The following EDDM13 variants were observed in gnomAD, a reference collection of about 807,000 sequenced individuals.
EDDM13 encodes epididymal protein 13.
In EDDM13, 24 loss-of-function variants were observed where a neutral mutation model predicts 17.8. The observed-to-expected ratio is 1.35, with a 90% CI of 0.98 to 1.90. The LOEUF (loss-of-function observed/expected upper bound fraction) is 1.90. Among genes scored for constraint, EDDM13 ranks in the 40% most tolerant of loss-of-function variants. EDDM13 has a pLI of 0.00. For synonymous variants in EDDM13, 31 were observed against 37.5 expected (o/e 0.83, Z 0.63); for missense variants, 97 against 100.8 (o/e 0.96, Z 0.16).
At chr19:56,304,165 T>C (rs938842033) in intron 13 of EDDM13, among the ~76,000 whole-genome samples, 1 of 152,056 alleles carries the variant, frequency 6.6e-6, no homozygotes, top group Non-Finnish European at 1.5e-5. Flanking sequence ...GGAGACACAC[T>C]GAGAGGAGGC....
At chr19:56,285,940 T>A (rs2039083156) in intron 6 of EDDM13, among the ~76,000 whole-genome samples, 1 of 152,218 alleles carries the variant, frequency 6.6e-6, no homozygotes, top group African/African-American at 2.4e-5. Context: ...TGGACAGATG[T>A]TTAACAAATT....
intron 11 of EDDM13, among the ~76,000 whole-genome samples, chr19:56,296,802 C>T (rs1305737213): frequency 2.0e-5 from 3 of 151,884 alleles, no homozygotes; most frequent in African/African-American, 4.8e-5. Context: ...GGGAGGCCGA[C>T]GTGGGTGGAT....
intron 9 of EDDM13, chr19:56,295,149 G>C (rs2039780319): frequency 6.6e-6 from 1 of 152,208 alleles, no homozygotes; most frequent in Admixed American, 6.5e-5. Flanking sequence ...TTGTACACTT[G>C]ATGGGTGAGT....
chr19:56,273,562 A>G (rs971363344), intron 1 of EDDM13, among the ~76,000 whole-genome samples: 4 of 152,182 alleles, frequency 2.6e-5, no homozygotes, highest in Non-Finnish European at 4.4e-5. Flanking sequence ...CATTTGAGGT[A>G]AGGAATAGGA....
chr19:56,285,599 CAT>C (rs2039048282), intron 6 of EDDM13, among the ~76,000 whole-genome samples: 2 of 152,010 alleles, frequency 1.3e-5, no homozygotes, highest in South Asian at 4.1e-4. Flanking sequence ...GGATTCCTAA[CAT>C]ATTTTGATTT....
At chr19:56,286,611 A>G (rs2039144900) in intron 6 of EDDM13, 1 of 152,236 alleles carries the variant, frequency 6.6e-6, no homozygotes, top group South Asian at 2.1e-4. Flanking sequence ...GTTTTCTGCC[A>G]AGGCTCTTTG....
intron 12 of EDDM13, among the ~76,000 whole-genome samples, chr19:56,300,199 C>T (rs759018762): frequency 3.9e-5 from 6 of 152,026 alleles, no homozygotes; most frequent in Non-Finnish European, 8.8e-5. Context: ...TAAACCAGAA[C>T]ATGATATGCG....
At chr19:56,275,020 C>G (rs139369334) in intron 1 of EDDM13, 2 of 152,156 alleles carry the variant, frequency 1.3e-5, no homozygotes, top group African/African-American at 4.8e-5. Flanking sequence ...GGCAGGAATA[C>G]CACAGAAGTG....
At position 56,284,188 on chromosome 19, in the gene EDDM13, C is replaced by A. The variant is rs1276528238; in HGVS notation, c.119-10C>A. On this transcript the variant is annotated splice_polypyrimidine_tract_variant and intron_variant, in intron 4 of 14. Coordinates refer to ENST00000649256, the MANE Select transcript of EDDM13 (RefSeq NM_001354658.2). ...CACCATGCTGACTCTCCTGGATGGGCTGCCATCAGGGATCATAGGTAAGTA... is the reference window on the plus strand; with the variant it reads ...CACCATGCTGACTCTCCTGGATGGGATGCCATCAGGGATCATAGGTAAGTA... 4.1e-6 allele frequency: 4 copies of A among 985,222 alleles called. No individual in the cohort carries two copies. The Admixed American group carries it at 1.8e-4, about 45-fold the overall frequency. The allele number at this position is 985,222 out of a possible 1,614,324, so 61.0% of individuals were successfully genotyped here.
At position 56,304,747 on chromosome 19, in the gene EDDM13, C is replaced by T. The variant is rs548224712; in HGVS notation, c.424-46C>T. On this transcript the variant is annotated intron_variant, in intron 13 of 14. Transcript: ENST00000649256. The stretch of plus-strand genomic sequence containing the variant: ...TAAGGAAGGAATTCACTCGCCTCAC[C>T]CCAACTGTTTCTTTCTCTGTTCCCA... 5 of 983,508 alleles carry T rather than the reference C, an allele frequency of 5.1e-6. No individual in the cohort carries two copies. The East Asian group carries it at 5.7e-4, about 112-fold the overall frequency. 60.9% of individuals were successfully genotyped at this position (983,508 alleles called of 1,614,324 possible).
chr19:56,298,035 A>C (rs1368791942), intron 12 of EDDM13: 1 of 148,470 alleles, frequency 6.7e-6, no homozygotes, highest in Admixed American at 6.8e-5. Flanking sequence ...TGATTGTGCC[A>C]CCGCATCCGG....
intron 9 of EDDM13, among the ~76,000 whole-genome samples, chr19:56,292,958 A>G (rs915332275): frequency 2.0e-5 from 3 of 152,138 alleles, no homozygotes; most frequent in East Asian, 1.9e-4. Flanking sequence ...TTTTAATCCA[A>G]TCATCCACTG....
At chr19:56,299,768 T>C (rs1234448287) in intron 12 of EDDM13, 2 of 152,250 alleles carry the variant, frequency 1.3e-5, no homozygotes, top group African/African-American at 4.8e-5. Context: ...TTTATTGTTG[T>C]ATTGCTATTT....
At chr19:56,272,965 A>G (rs1403623082) in intron 1 of EDDM13, 46 bp downstream of exon 1, 1 of 870,030 alleles carries the variant, frequency 1.1e-6, no homozygotes, top group Non-Finnish European at 1.4e-6. Flanking sequence ...ATTTTCTTAC[A>G]ACTTGGGAGG....
intron 1 of EDDM13, chr19:56,274,453 CA>C (rs2038096064): frequency 1.0e-5 from 1 of 97,390 alleles, no homozygotes; most frequent in South Asian, 3.9e-4. Flanking sequence ...GACTCTGTTT[CA>C]AAAAGAAAAA....
intron 9 of EDDM13, among the ~76,000 whole-genome samples, chr19:56,293,724 G>A (rs536971907): frequency 6.6e-6 from 1 of 152,294 alleles, no homozygotes; most frequent in Admixed American, 6.5e-5. Context: ...GGGGACACCT[G>A]GCAATGCCTA....
At chr19:56,273,440 G>A (rs1324674303) in intron 1 of EDDM13, among the ~76,000 whole-genome samples, 3 of 152,126 alleles carry the variant, frequency 2.0e-5, no homozygotes, top group East Asian at 1.9e-4. Context: ...TCTTTCCACG[G>A]GCTTGATGCT....
intron 6 of EDDM13, among the ~76,000 whole-genome samples, chr19:56,287,707 A>G (rs2039232383): frequency 6.6e-6 from 1 of 152,226 alleles, no homozygotes; most frequent in African/African-American, 2.4e-5. Context: ...TCATGGGGCT[A>G]GAAATCATCT....
rs1299840923 is a variant in EDDM13, at chr19:56,310,266, C to T, written c.*118C>T. 1 of 152,222 alleles carries T rather than the reference C, an allele frequency of 6.6e-6. No homozygotes were observed. The highest frequency in any genetic ancestry group is 1.5e-5 in the Non-Finnish European group (1 of 68,084). 9.4% of individuals were successfully genotyped at this position (152,222 alleles called of 1,614,324 possible). The stretch of plus-strand genomic sequence containing the variant: ...TGTGTGGAGGGTAATGAACTGGGTC[C>T]TTTAAGGAATGGCACCTGGGTGCCC... On this transcript the variant is annotated 3_prime_UTR_variant, in exon 15 of 15. Coordinates refer to ENST00000649256, the MANE Select transcript of EDDM13 (RefSeq NM_001354658.2).
Sources: gnomAD v4.1 joint callset for allele counts (sites outside exome capture counted in the v4.1 genomes callset) on GRCh38, gnomAD v4.1.1 for gene constraint, MANE v1.5 for transcripts, NCBI Gene and HGNC (gene_info 2026-07-23, HGNC 2026-07-21) for gene names.